Variants in NIPA2 observed in about 807,000 individuals in gnomAD.
NIPA2 encodes magnesium transporter NIPA2.
NIPA2 carries 11 observed loss-of-function variants against 29.7 expected under a neutral mutation model. That is an observed-to-expected ratio of 0.37 (90% CI 0.23 to 0.61). The LOEUF (loss-of-function observed/expected upper bound fraction) is 0.61, where lower values mean the gene tolerates loss of function less well. NIPA2 is among the 20% of genes least tolerant of loss of function. The pLI, the probability that NIPA2 is intolerant of heterozygous loss-of-function variation, is 0.66. For missense variants in NIPA2, 426 were observed against 437.9 expected, an observed-to-expected ratio of 0.97 and a Z score of 0.24; for synonymous variants, 183 against 161.9, an observed-to-expected ratio of 1.13 and a Z score of -0.99.
At position 22,866,967 on chromosome 15, in the gene NIPA2, T is replaced by C; in HGVS notation, c.*120T>C. Reference sequence around the variant, plus strand: ...TCTTTAAAGGCAATCTTTTTAAAGATTTCACTAATTTGGACCAAGAAATTA... The same window carrying C: ...TCTTTAAAGGCAATCTTTTTAAAGACTTCACTAATTTGGACCAAGAAATTA... On this transcript the variant is annotated 3_prime_UTR_variant, in exon 8 of 8. Transcript: ENST00000337451. 5 of 984,202 alleles carry C rather than the reference T, an allele frequency of 5.1e-6. No homozygotes were observed. The highest frequency in any genetic ancestry group is 7.3e-6 in the Non-Finnish European group (5 of 684,208). The allele number at this position is 984,202 out of a possible 1,614,324, so 61.0% of individuals were successfully genotyped here.
At chr15:22,843,014 A>C (rs1214433009) in intron 2 of NIPA2, among the ~76,000 whole-genome samples, 3 of 151,788 alleles carry the variant, frequency 2.0e-5, no homozygotes, top group Admixed American at 6.6e-5. Flanking sequence ...AAAAAAAAAA[A>C]AAGAGAGATC....
chr15:22,858,325 C>T (rs942414421), intron 5 of NIPA2, among the ~76,000 whole-genome samples: 3 of 152,010 alleles, frequency 2.0e-5, no homozygotes, highest in South Asian at 2.1e-4. Flanking sequence ...ACCCGGGAGG[C>T]GGAGCTCGCA....
At chr15:22,841,378 CTACT>C (rs1351402361) in intron 2 of NIPA2, among the ~76,000 whole-genome samples, 1 of 152,170 alleles carries the variant, frequency 6.6e-6, no homozygotes, top group Non-Finnish European at 1.5e-5. Flanking sequence ...TGAAACAGAA[CTACT>C]TAAATAGTTC....
intron 7 of NIPA2, among the ~76,000 whole-genome samples, chr15:22,863,596 C>T (rs763249283): frequency 7.2e-5 from 11 of 152,212 alleles, no homozygotes; most frequent in Non-Finnish European, 1.5e-4. Context: ...TGCCAAGAAA[C>T]ACCGTAAGGG....
chr15:22,858,529 C>T lies in NIPA2; in HGVS notation c.197-11C>T. ...CTTACCTGAGTTTTTCTTTTGTTGT[C>T]TGTCTCTAAGTGGGAGCTGGTGAGG... On this transcript the variant is annotated splice_polypyrimidine_tract_variant and intron_variant, in intron 5 of 7. Coordinates refer to ENST00000337451, the MANE Select transcript of NIPA2 (RefSeq NM_030922.7). 1 of 1,590,894 alleles carries T rather than the reference C, an allele frequency of 6.3e-7. No individual in the cohort carries two copies. The highest frequency in any genetic ancestry group is 8.6e-7 in the Non-Finnish European group (1 of 1,165,206).
intron 6 of NIPA2, among the ~76,000 whole-genome samples, chr15:22,859,606 C>T (rs936781833): frequency 2.0e-5 from 3 of 152,142 alleles, no homozygotes; most frequent in African/African-American, 7.2e-5. Flanking sequence ...AGTAGATTTG[C>T]ATGCCTGGCC....
At chr15:22,863,459 C>G (rs1056805606) in intron 7 of NIPA2, among the ~76,000 whole-genome samples, 29 of 152,152 alleles carry the variant, frequency 1.9e-4, no homozygotes, top group Admixed American at 1.9e-3. Context: ...GGCCCCTCCA[C>G]CTGAGAAACT....
intron 4 of NIPA2, among the ~76,000 whole-genome samples, chr15:22,852,466 C>CAAAAAAAAAA (rs2057829271): frequency 2.1e-5 from 2 of 93,166 alleles, no homozygotes; most frequent in African/African-American, 4.5e-5. Context: ...GAGACTCCGT[C>CAAAAAAAAAA]TAAAAAAAAA....
chr15:22,841,078 G>A (rs1227366049), intron 2 of NIPA2, among the ~76,000 whole-genome samples: 5 of 152,106 alleles, frequency 3.3e-5, no homozygotes, highest in Non-Finnish European at 7.4e-5. Flanking sequence ...AGATATTCAG[G>A]ATGTACAACT....
chr15:22,843,031 G>C (rs1439540995), intron 2 of NIPA2, among the ~76,000 whole-genome samples: 2 of 151,750 alleles, frequency 1.3e-5, no homozygotes, highest in Non-Finnish European at 2.9e-5. Context: ...GATCTAAAAG[G>C]TAGGTTTGGA....
In NIPA2 at chr15:22,853,240, A is replaced by C. The variant is rs763405319; in HGVS notation, c.168A>C (p.Glu56Asp). The part of the protein sequence containing the change: ...AGQGGHAYLK[E>D]WLWWAGLLSM... ...AAGGTGGCCATGCATATCTTAAGGA[A>C]TGGTTGTGGTGGGCTGGACTGCTGT... Residue 56 changes from glutamate (E) to aspartate (D), a missense_variant, in exon 5 of 8, where the codon GAA becomes GAC. Around this residue, in one of 3 missense-constraint regions of NIPA2, gnomAD observed 12 missense variants for 31.5 expected, o/e 0.38. Coordinates refer to ENST00000337451, the MANE Select transcript of NIPA2 (RefSeq NM_030922.7). The C allele has an allele frequency of 6.2e-7, 1 of 1,610,972 alleles. No homozygotes were observed. Among genetic ancestry groups the C allele is most frequent in the African/African-American group, 1.3e-5 (1 of 74,824 alleles).
intron 1 of NIPA2, 95 bp from the exon 2 acceptor site, chr15:22,839,560 G>C (rs1196492848): frequency 2.0e-5 from 3 of 152,204 alleles, no homozygotes; most frequent in Admixed American, 2.0e-4. Flanking sequence ...ATGTTGATTG[G>C]TTGGCAAAAT....
chr15:22,858,915 T>C (rs1010881028), intron 6 of NIPA2, among the ~76,000 whole-genome samples: 1 of 152,152 alleles, frequency 6.6e-6, no homozygotes, highest in African/African-American at 2.4e-5. Context: ...CAGTGGCTCA[T>C]GCCTGTAATC....
chr15:22,853,878 T>C (rs990000263), intron 5 of NIPA2, among the ~76,000 whole-genome samples: 1 of 152,062 alleles, frequency 6.6e-6, no homozygotes, highest in Non-Finnish European at 1.5e-5. Flanking sequence ...CGCCAGGCTG[T>C]AATGCAGTGG....
chr15:22,851,335 T>G (rs952007418), intron 3 of NIPA2, among the ~76,000 whole-genome samples: 7 of 152,196 alleles, frequency 4.6e-5, no homozygotes, highest in Non-Finnish European at 1.0e-4. Context: ...ATGCCTAATT[T>G]TTTCTGCAGA....
rs548973963 is a variant in NIPA2 at position 22,842,553 on chromosome 15, G to A, written c.-215-2593G>A. 2.6e-5 allele frequency among the ~76,000 whole-genome samples: 4 copies of A among 152,076 alleles called. No individual in the cohort carries two copies. The East Asian group carries it at 5.8e-4, about 22-fold the overall frequency. On this transcript the variant is annotated intron_variant, in intron 2 of 7. Coordinates refer to ENST00000337451, the MANE Select transcript of NIPA2 (RefSeq NM_030922.7). Reference sequence around the variant, plus strand: ...AAAAAAAACCCAAAATATTGGCCGGGCACGGTAACTCACGCCTGTAATCCC... The same window carrying A: ...AAAAAAAACCCAAAATATTGGCCGGACACGGTAACTCACGCCTGTAATCCC...
rs2059253080 is a variant in NIPA2 at position 22,868,005 on chromosome 15, AG to A, written c.*1160del. 6.6e-6 allele frequency: 1 copy of A among 152,352 alleles called. No individual in the cohort carries two copies. The highest frequency in any genetic ancestry group is 2.4e-5 in the African/African-American group (1 of 41,556). 9.4% of individuals were successfully genotyped at this position (152,352 alleles called of 1,614,324 possible). A position where few individuals can be genotyped will look rare whatever the true frequency, so the allele number is the denominator to read the frequency against. On this transcript the variant is annotated 3_prime_UTR_variant, in exon 8 of 8. Coordinates refer to ENST00000337451, the MANE Select transcript of NIPA2 (RefSeq NM_030922.7). Reference sequence around the variant, plus strand: ...GTATTGGCAGAATTAATTTCCACCTAGGTGATGGGAAGAAAGTGTTCGCCTG... The same window carrying A: ...GTATTGGCAGAATTAATTTCCACCTAGTGATGGGAAGAAAGTGTTCGCCTG...
intron 6 of NIPA2, among the ~76,000 whole-genome samples, chr15:22,859,856 G>A (rs939929408): frequency 1.3e-5 from 2 of 151,600 alleles, no homozygotes; most frequent in Non-Finnish European, 2.9e-5. Flanking sequence ...GTATTTATTG[G>A]TTTATGCTGT....
intron 5 of NIPA2, among the ~76,000 whole-genome samples, chr15:22,856,013 C>G (rs1372114251): frequency 6.6e-6 from 1 of 152,148 alleles, no homozygotes; most frequent in Non-Finnish European, 1.5e-5. Flanking sequence ...CGAGGTGAAG[C>G]AGAGAGAGGC....
Sources: allele counts gnomAD v4.1 joint callset (sites outside exome capture counted in the v4.1 genomes callset), GRCh38; gene constraint gnomAD v4.1.1; regional missense constraint gnomAD v4.1.1; transcripts MANE v1.5; gene names NCBI Gene and HGNC (gene_info 2026-07-23, HGNC 2026-07-21).